The following BARD1 variants were observed in gnomAD, a reference collection of about 807,000 sequenced individuals.
BARD1 encodes BRCA1-associated RING domain protein 1.
BARD1 carries 73 observed loss-of-function variants against 77.0 expected under a neutral mutation model. The ratio of observed to expected loss-of-function variants is 0.95; its 90% CI spans 0.79 to 1.15. The LOEUF is 1.15. BARD1 is among the 50% of genes most tolerant of loss of function. The pLI is 0.00. For synonymous variants in BARD1, 384 were observed against 338.0 expected, an observed-to-expected ratio of 1.14 and a Z score of -1.49; for missense variants, 993 against 938.8, an observed-to-expected ratio of 1.06 and a Z score of -0.75.
intron 6 of BARD1, among the ~76,000 whole-genome samples, chr2:214,755,501 G>A (rs960167945): frequency 2.0e-5 from 3 of 152,138 alleles, no homozygotes; most frequent in Admixed American, 1.3e-4. Flanking sequence ...GAGGATAAAC[G>A]TTCATTCAAC....
At chr2:214,799,729 C>T (rs1025610713) in intron 1 of BARD1, among the ~76,000 whole-genome samples, 5 of 152,124 alleles carry the variant, frequency 3.3e-5, no homozygotes, top group South Asian at 2.1e-4. Context: ...CAGTTTTGAT[C>T]ATACCTCCCA....
In BARD1 at chr2:214,728,868, A is replaced by C; in HGVS notation, c.2142T>G (p.Thr714=). 6.2e-7 allele frequency: 1 copy of C among 1,614,204 alleles called. No individual in the cohort carries two copies. Among genetic ancestry groups the C allele is most frequent in the East Asian group, 2.2e-5 (1 of 44,872 alleles). Residue 714 remains threonine (T), a synonymous_variant, in exon 11 of 11, where the codon ACT becomes ACG. Coordinates refer to ENST00000260947, the MANE Select transcript of BARD1 (RefSeq NM_000465.4). The part of the protein sequence containing the change: ...SRKPKPDSDV[T]QTINTVAYHA... Reference sequence around the variant, plus strand: ...GGTATGCGACTGTATTGATGGTCTGAGTCACGTCACTGTCTGGCTTGGGCT... The same window carrying C: ...GGTATGCGACTGTATTGATGGTCTGCGTCACGTCACTGTCTGGCTTGGGCT...
Position 214,781,265 on chromosome 2 carries a change from T to G in BARD1, c.609A>C (p.Gly203=), listed in dbSNP as rs28997574. Residue 203 remains glycine (G), a synonymous_variant, in exon 4 of 11, where the codon GGA becomes GGC. Coordinates refer to ENST00000260947, the MANE Select transcript of BARD1 (RefSeq NM_000465.4). Reference sequence around the variant, plus strand: ...CTAAAGTTTTCTTTTTTTGCTTTTTTCCAGATCTTGCAGAAGCCTTTTTAG... The same window carrying G: ...CTAAAGTTTTCTTTTTTTGCTTTTTGCCAGATCTTGCAGAAGCCTTTTTAG... ...ERAKKASARS[G]KKQKKKTLAE... 15,116 of 1,596,334 alleles carry G rather than the reference T, an allele frequency of 9.5e-3. 118 individuals carry two copies. The highest frequency in any genetic ancestry group is 0.049 in the Middle Eastern group (294 of 5,944).
rs1161191196 is a variant in BARD1 at position 214,726,494 on chromosome 2, ATT to A, written c.*2180_*2181del. The A allele has an allele frequency of 4.6e-6, 1 of 218,288 alleles. No individual in the cohort carries two copies. Among genetic ancestry groups the A allele is most frequent in the Non-Finnish European group, 9.2e-6 (1 of 108,772 alleles). The allele number at this position is 218,288 out of a possible 1,614,324, so 13.5% of individuals were successfully genotyped here. A position where few individuals can be genotyped will look rare whatever the true frequency, so the allele number is the denominator to read the frequency against. On this transcript the variant is annotated 3_prime_UTR_variant, in exon 11 of 11. Transcript: ENST00000260947. ...AAAGTATCTAGTACACTTTAGAAAT[ATT>A]TTTATTCAAAATTAATTAAAAAGCA...
rs747646134 is a variant in BARD1 at position 214,745,043 on chromosome 2, A to C, written c.1903+24T>G. ...ACAAAACTAGTCTAATTCATTTCTT[A>C]ATTCTCTCAAATCCAACACTTACAT... On this transcript the variant is annotated intron_variant, in intron 9 of 10. Transcript: ENST00000260947. 8.7e-5 allele frequency: 138 copies of C among 1,589,514 alleles called. No homozygotes were observed. The highest frequency in any genetic ancestry group is 8.3e-4 in the Middle Eastern group (5 of 6,038).
chr2:214,766,422 T>G (rs114824637), intron 6 of BARD1, among the ~76,000 whole-genome samples: 208 of 152,294 alleles, frequency 1.4e-3, no homozygotes, highest in African/African-American at 4.8e-3. Context: ...TTAGGAAGCA[T>G]ACAAAATAAT....
chr2:214,809,428 G>A lies in BARD1; in HGVS notation c.142C>T (p.Leu48=), dbSNP rs1057521017. 7 of 1,612,368 alleles carry A rather than the reference G, an allele frequency of 4.3e-6. No homozygotes were observed. The Admixed American group carries it at 6.7e-5, about 15-fold the overall frequency. ...RAALDRLEKL[L]RCSRCTNILR... is the part of the protein sequence containing the mutation. Reference sequence around the variant, plus strand: ...CGTCTTTACCAACGCGAGCAGCGCAGCAGCTTCTCCAGGCGGTCGAGCGCG... The same window carrying A: ...CGTCTTTACCAACGCGAGCAGCGCAACAGCTTCTCCAGGCGGTCGAGCGCG... The change falls in exon 1 of 11, where the codon CTG becomes TTG. Residue 48 remains leucine (L), a synonymous_variant. Coordinates refer to ENST00000260947, the MANE Select transcript of BARD1 (RefSeq NM_000465.4).
chr2:214,785,160 G>A (rs920323858), intron 3 of BARD1, among the ~76,000 whole-genome samples: 15 of 151,900 alleles, frequency 9.9e-5, no homozygotes, highest in South Asian at 2.1e-4. Flanking sequence ...GAACTCACAA[G>A]TATATTCATA....
At chr2:214,807,512 A>G (rs753966604) in intron 1 of BARD1, among the ~76,000 whole-genome samples, 23 of 152,194 alleles carry the variant, frequency 1.5e-4, no homozygotes, top group Non-Finnish European at 2.4e-4. Flanking sequence ...CATTTATTCT[A>G]TCACAACCAC....
rs546329917 is a variant in BARD1 at position 214,747,420 on chromosome 2, G to A, written c.1678-1566C>T. Among the ~76,000 whole-genome samples, 344 of 143,866 alleles carry A rather than the reference G, an allele frequency of 2.4e-3. 2 individuals are homozygous for A. Among genetic ancestry groups the A allele is most frequent in the Non-Finnish European group, 4.3e-3 (282 of 65,972 alleles). The allele number at this position is 143,866 out of a possible 152,430, so 94.4% of individuals were successfully genotyped here. On this transcript the variant is annotated intron_variant, in intron 7 of 10. Coordinates refer to ENST00000260947, the MANE Select transcript of BARD1 (RefSeq NM_000465.4). ...ACACATGCACACGTATGTTTACTGC[G>A]GCACTATTCACAATAGCAAAGACTT...
chr2:214,786,229 T>G (rs534611407), intron 3 of BARD1, among the ~76,000 whole-genome samples: 1 of 150,922 alleles, frequency 6.6e-6, no homozygotes, highest in African/African-American at 2.5e-5. Context: ...CTTTTAATAC[T>G]TAAGAGATAC....
At chr2:214,804,477 C>A (rs1048428167) in intron 1 of BARD1, among the ~76,000 whole-genome samples, 2 of 152,174 alleles carry the variant, frequency 1.3e-5, no homozygotes, top group Admixed American at 6.5e-5. Flanking sequence ...ATAAATCTCA[C>A]AAATAAATTC....
intron 2 of BARD1, among the ~76,000 whole-genome samples, chr2:214,792,922 G>A (rs1367869255): frequency 1.3e-5 from 2 of 152,112 alleles, no homozygotes; most frequent in South Asian, 2.1e-4. Context: ...TTTAAAACCT[G>A]TAGACTCAAT....
At chr2:214,787,477 A>AATT (rs1695323909) in intron 3 of BARD1, among the ~76,000 whole-genome samples, 1 of 151,986 alleles carries the variant, frequency 6.6e-6, no homozygotes, top group African/African-American at 2.4e-5. Flanking sequence ...ATAATATTCT[A>AATT]AGATAAAACT....
chr2:214,740,632 A>G (rs1474391429), intron 9 of BARD1, among the ~76,000 whole-genome samples: 2 of 152,060 alleles, frequency 1.3e-5, no homozygotes, highest in Non-Finnish European at 2.9e-5. Context: ...AATATTTATC[A>G]TATTAAAAAT....
intron 3 of BARD1, 71 bp downstream of exon 3, chr2:214,792,226 T>C (rs1036569343): frequency 4.7e-5 from 67 of 1,422,004 alleles, no homozygotes; most frequent in Admixed American, 5.4e-5. Context: ...ATGTTTTATA[T>C]ACTTTATGAA....
At chr2:214,750,890 C>T (rs1448506170) in intron 7 of BARD1, among the ~76,000 whole-genome samples, 4 of 151,898 alleles carry the variant, frequency 2.6e-5, no homozygotes, top group African/African-American at 9.7e-5. Context: ...TTCCTTGATG[C>T]AACCACTAAG....
intron 9 of BARD1, among the ~76,000 whole-genome samples, chr2:214,734,283 A>G (rs1692476858): frequency 6.6e-6 from 1 of 152,152 alleles, no homozygotes; most frequent in South Asian, 2.1e-4. Flanking sequence ...TTAGCCATTT[A>G]TAGCTCTTGT....
intron 3 of BARD1, among the ~76,000 whole-genome samples, chr2:214,786,808 T>C (rs181136755): frequency 6.6e-6 from 1 of 152,054 alleles, no homozygotes; most frequent in East Asian, 1.9e-4. Context: ...GAACATGACC[T>C]GGTCCACAAA....
Sources: gnomAD v4.1 joint callset for allele counts (sites outside exome capture counted in the v4.1 genomes callset) on GRCh38, gnomAD v4.1.1 for gene constraint, MANE v1.5 for transcripts, NCBI Gene and HGNC (gene_info 2026-07-23, HGNC 2026-07-21) for gene names.